SLC16A9: variants seen among roughly 807,000 people sequenced by gnomAD.
The protein encoded by SLC16A9 is monocarboxylate transporter 9.
SLC16A9 carries 26 observed loss-of-function variants against 44.3 expected under a neutral mutation model. The ratio of observed to expected loss-of-function variants is 0.59; its 90% CI spans 0.43 to 0.81. The LOEUF (loss-of-function observed/expected upper bound fraction) is 0.81, where lower values mean the gene tolerates loss of function less well. SLC16A9 is among the 40% of genes least tolerant of loss of function. The pLI is 0.00. For missense variants in SLC16A9, 559 were observed against 595.8 expected (o/e 0.94, Z 0.64); for synonymous variants, 230 against 225.1 (o/e 1.02, Z -0.19).
chr10:59,702,213 C>T (rs575566354), intron 1 of SLC16A9, among the ~76,000 whole-genome samples: 10 of 152,334 alleles, frequency 6.6e-5, no homozygotes, highest in Middle Eastern at 6.8e-3. Context: ...GCCCCTTCCT[C>T]TCTGGAGCTT....
At position 59,675,353 on chromosome 10, in the gene SLC16A9, C is replaced by T. The variant is rs934063504; in HGVS notation, c.197-2440G>A. 1.4e-4 allele frequency among the ~76,000 whole-genome samples: 22 copies of T among 152,242 alleles called. No individual in the cohort carries two copies. In the East Asian group the frequency reaches 4.3e-3, roughly 29 times the overall value. On this transcript the variant is annotated intron_variant, in intron 2 of 5. Coordinates refer to ENST00000395348, the MANE Select transcript of SLC16A9 (RefSeq NM_194298.3). ...TAATTTTTTCCTAGAAATCAAATTACTAGTAAAGAACATCAAGGTACTGTT... is the reference window on the plus strand; with the variant it reads ...TAATTTTTTCCTAGAAATCAAATTATTAGTAAAGAACATCAAGGTACTGTT...
At chr10:59,673,472 G>C (rs934796463) in intron 2 of SLC16A9, among the ~76,000 whole-genome samples, 47 of 152,158 alleles carry the variant, frequency 3.1e-4, no homozygotes, top group African/African-American at 1.1e-3. Context: ...AGAAATAAAA[G>C]GACGTTAAGG....
intron 1 of SLC16A9, among the ~76,000 whole-genome samples, chr10:59,701,998 C>G (rs1021715389): frequency 6.6e-6 from 1 of 152,196 alleles, no homozygotes; most frequent in African/African-American, 2.4e-5. Context: ...GACTAGCCCA[C>G]AAGTCTATCA....
At chr10:59,689,147 T>C (rs1303062969) in intron 1 of SLC16A9, among the ~76,000 whole-genome samples, 1 of 152,162 alleles carries the variant, frequency 6.6e-6, no homozygotes, top group African/African-American at 2.4e-5. Context: ...TGATCTGTCA[T>C]CATCTCAGAG....
At chr10:59,663,445 T>C (rs7093824) in intron 4 of SLC16A9, among the ~76,000 whole-genome samples, 149,920 of 152,260 alleles carry the variant, frequency 0.98, 73,861 homozygotes, top group East Asian at 1. Context: ...AGAATGAGTT[T>C]GTGTCCTTTG....
At position 59,691,739 on chromosome 10, in the gene SLC16A9, C is replaced by CAATAA. The variant is rs572259319; in HGVS notation, c.-36-7413_-36-7412insTTATT. Among the ~76,000 whole-genome samples the CAATAA allele has an allele frequency of 1.1e-4, 17 of 152,296 alleles. 2 individuals are homozygous for CAATAA. The South Asian group carries it at 3.5e-3, about 32-fold the overall frequency. ...TTCACAATAAAGCTTTAAGTTCCAG[C>CAATAA]ACCTTCGATTATGTTTAGTTCTGCT... On this transcript the variant is annotated intron_variant, in intron 1 of 5. Transcript: ENST00000395348.
At chr10:59,656,771 T>G (rs533498953) in intron 4 of SLC16A9, among the ~76,000 whole-genome samples, 1 of 152,290 alleles carries the variant, frequency 6.6e-6, no homozygotes, top group South Asian at 2.1e-4. Flanking sequence ...ACCTAGGAAT[T>G]AAGCCCTGCG....
rs1327557189 is a variant in SLC16A9, at chr10:59,697,047, G to A, written c.-37+12432C>T. Among the ~76,000 whole-genome samples the A allele has an allele frequency of 8.0e-5, 8 of 100,236 alleles. 1 individual carries two copies. The highest frequency in any genetic ancestry group is 4.3e-4 in the Admixed American group (4 of 9,306). The allele number at this position is 100,236 out of a possible 152,430, so 65.8% of individuals were successfully genotyped here. A position where few individuals can be genotyped will look rare whatever the true frequency, so the allele number is the denominator to read the frequency against. On this transcript the variant is annotated intron_variant, in intron 1 of 5. Transcript: ENST00000395348. ...AGGTGAGGGGCGCCTCTGCCTGGCC[G>A]CCCCTACTGGGAAGTGAGGAGCCCC...
In SLC16A9 at chr10:59,654,038, C is replaced by T. The variant is rs771400638; in HGVS notation, c.988G>A (p.Val330Ile). The T allele has an allele frequency of 2.5e-6, 4 of 1,613,872 alleles. No individual in the cohort carries two copies. Among genetic ancestry groups the T allele is most frequent in the Admixed American group, 3.3e-5 (2 of 60,004 alleles). The change falls in exon 5 of 6, where the codon GTA (valine) becomes ATA (isoleucine). Residue 330 changes from valine (V) to isoleucine (I), a missense_variant. Coordinates refer to ENST00000395348, the MANE Select transcript of SLC16A9 (RefSeq NM_194298.3). ...TCTTTCACGTTTGAACTTCTTGCTA[C>T]ATCTTCCATAAGTAATGAAGGTGGA... The part of the protein sequence containing the change: ...GFPPSLLMED[V>I]ARSSNVKEEE...
intron 4 of SLC16A9, among the ~76,000 whole-genome samples, chr10:59,657,747 T>C (rs937343092): frequency 6.6e-6 from 1 of 152,218 alleles, no homozygotes; most frequent in Non-Finnish European, 1.5e-5. Context: ...GCCCCTGTCA[T>C]GTGCCTTACA....
At chr10:59,657,112 A>G (rs1839366443) in intron 4 of SLC16A9, among the ~76,000 whole-genome samples, 1 of 152,266 alleles carries the variant, frequency 6.6e-6, no homozygotes, top group South Asian at 2.1e-4. Context: ...CCATAAAAAA[A>G]TGAGCATGGC....
rs1426559419 is a variant in SLC16A9 at position 59,678,540 on chromosome 10, C to CTTTTTTTTTTTTTT, written c.196+5555_196+5556insAAAAAAAAAAAAAA. On this transcript the variant is annotated intron_variant, in intron 2 of 5. Transcript: ENST00000395348. The stretch of plus-strand genomic sequence containing the variant: ...CTACCAATCTTTTTTTTTTCTTTTT[C>CTTTTTTTTTTTTTT]TTTTTCTTTTTTTTGAGACGGAGTC... Among the ~76,000 whole-genome samples, 71 of 22,314 alleles carry CTTTTTTTTTTTTTT rather than the reference C, an allele frequency of 3.2e-3. 1 individual carries two copies. Among genetic ancestry groups the CTTTTTTTTTTTTTT allele is most frequent in the African/African-American group, 4.9e-3 (51 of 10,340 alleles). The allele number at this position is 22,314 out of a possible 152,430, so 14.6% of individuals were successfully genotyped here. A position where few individuals can be genotyped will look rare whatever the true frequency, so the allele number is the denominator to read the frequency against.
rs1439287796 is a variant in SLC16A9 at position 59,672,804 on chromosome 10, G to C, written c.306C>G (p.Ile102Met). ...TGCCATAGGAAAAAAACAGAAAGTA[G>C]ATATTGGGAGCAAAACTGCTCAACA... is the stretch of plus-strand genomic sequence containing the variant. ...GLMLSSFAPNIYFLFFSYGIV... is the reference protein window; with the variant it reads ...GLMLSSFAPNMYFLFFSYGIV... The change falls in exon 3 of 6, where the codon ATC (isoleucine) becomes ATG (methionine). Residue 102 changes from isoleucine (I) to methionine (M), a missense_variant. Transcript: ENST00000395348. The C allele has an allele frequency of 1.5e-5, 24 of 1,613,612 alleles. No individual in the cohort carries two copies. The highest frequency in any genetic ancestry group is 2.0e-5 in the Non-Finnish European group (24 of 1,179,800).
At chr10:59,692,290 C>A (rs1243042698) in intron 1 of SLC16A9, among the ~76,000 whole-genome samples, 1 of 152,096 alleles carries the variant, frequency 6.6e-6, no homozygotes, top group Non-Finnish European at 1.5e-5. Context: ...CCTACAGTTA[C>A]ATTTATGACA....
intron 3 of SLC16A9, among the ~76,000 whole-genome samples, chr10:59,671,744 T>G (rs981795285): frequency 6.6e-6 from 1 of 152,164 alleles, no homozygotes; most frequent in Non-Finnish European, 1.5e-5. Context: ...TCAAATCCCA[T>G]ATAAATGGAC....
intron 2 of SLC16A9, among the ~76,000 whole-genome samples, chr10:59,680,740 G>A (rs1172039607): frequency 6.6e-6 from 1 of 152,072 alleles, no homozygotes; most frequent in Non-Finnish European, 1.5e-5. Flanking sequence ...CAACACTTTG[G>A]GAGGCTGAGG....
chr10:59,652,631 A>T lies in SLC16A9; in HGVS notation c.*141T>A, dbSNP rs765726119. Reference sequence around the variant, plus strand: ...CATAAAAAATAGGATATATAAAAAAAAATAATTCATTCAGAGTCAGTCATT... The same window carrying T: ...CATAAAAAATAGGATATATAAAAAATAATAATTCATTCAGAGTCAGTCATT... On this transcript the variant is annotated 3_prime_UTR_variant, in exon 6 of 6. Coordinates refer to ENST00000395348, the MANE Select transcript of SLC16A9 (RefSeq NM_194298.3). The T allele has an allele frequency of 6.0e-5, 43 of 718,164 alleles. No individual in the cohort carries two copies. Among genetic ancestry groups the T allele is most frequent in the East Asian group, 1.5e-4 (5 of 34,352 alleles). The allele number at this position is 718,164 out of a possible 1,614,324, so 44.5% of individuals were successfully genotyped here.
chr10:59,654,899 G>A (rs777787630), intron 4 of SLC16A9, among the ~76,000 whole-genome samples: 40 of 152,118 alleles, frequency 2.6e-4, no homozygotes, highest in Non-Finnish European at 5.0e-4. Flanking sequence ...GTGACCTAGG[G>A]CTGGAATGGT....
intron 3 of SLC16A9, among the ~76,000 whole-genome samples, chr10:59,666,227 A>T (rs1393450609): frequency 1.3e-5 from 2 of 149,764 alleles, no homozygotes; most frequent in Admixed American, 1.3e-4. Flanking sequence ...TGAACCCTGG[A>T]GGTGGAGGTT....
Sources: gnomAD v4.1 joint callset for allele counts (sites outside exome capture counted in the v4.1 genomes callset) on GRCh38, gnomAD v4.1.1 for gene constraint, MANE v1.5 for transcripts, NCBI Gene and HGNC (gene_info 2026-07-23, HGNC 2026-07-21) for gene names.